Variants in PCDHA4 observed in about 807,000 individuals in gnomAD.
PCDHA4 encodes protocadherin alpha-4.
Under a neutral mutation model 61.4 loss-of-function variants are expected in PCDHA4, and 49 were observed. The ratio of observed to expected loss-of-function variants is 0.80; its 90% confidence interval spans 0.63 to 1.01. The LOEUF (loss-of-function observed/expected upper bound fraction) is 1.01. Among genes scored for constraint, PCDHA4 ranks in the 50% least tolerant of loss-of-function variants. The pLI is 0.00. For synonymous variants in PCDHA4, 590 were observed against 550.3 expected, an observed-to-expected ratio of 1.07 and a Z score of -1.01; for missense variants, 1,254 against 1,235.8, an observed-to-expected ratio of 1.01 and a Z score of -0.22.
chr5:140,838,883 C>G (rs1775930205), intron 1 of PCDHA4, among the ~76,000 whole-genome samples: 1 of 151,746 alleles, frequency 6.6e-6, no homozygotes, highest in Non-Finnish European at 1.5e-5. Flanking sequence ...CCACTGAACT[C>G]CAGCCTAGGT....
At chr5:140,877,578 C>A (rs782777600) in intron 1 of PCDHA4, 6 of 1,613,700 alleles carry the variant, frequency 3.7e-6, no homozygotes, top group East Asian at 2.2e-5. Flanking sequence ...ACCTCATCAT[C>A]GCCATCTGTG....
At chr5:140,822,918 C>T in intron 1 of PCDHA4, 1 of 1,614,272 alleles carries the variant, frequency 6.2e-7, no homozygotes, top group Non-Finnish European at 8.5e-7. Flanking sequence ...CAGGTGCCAA[C>T]GGGCAGGTGA....
At chr5:140,918,309 T>C (rs2078629927) in intron 1 of PCDHA4, among the ~76,000 whole-genome samples, 1 of 152,186 alleles carries the variant, frequency 6.6e-6, no homozygotes, top group Non-Finnish European at 1.5e-5. Context: ...TAGGGTTTTC[T>C]AGGTATAAAA....
intron 1 of PCDHA4, among the ~76,000 whole-genome samples, chr5:140,952,839 T>G (rs1270756530): frequency 6.6e-6 from 1 of 152,210 alleles, no homozygotes; most frequent in Non-Finnish European, 1.5e-5. Context: ...GCTGGCCATC[T>G]GCTTGTCTTC....
chr5:140,826,786 A>G (rs1293254665), intron 1 of PCDHA4, among the ~76,000 whole-genome samples: 1 of 152,198 alleles, frequency 6.6e-6, no homozygotes, highest in Admixed American at 6.5e-5. Flanking sequence ...AATAACCTGC[A>G]AAAAGTTGAT....
chr5:140,839,273 ACCTT>A (rs1255974388), intron 1 of PCDHA4, among the ~76,000 whole-genome samples: 6 of 152,020 alleles, frequency 3.9e-5, no homozygotes, highest in Admixed American at 3.3e-4. Flanking sequence ...TATATTTAAA[ACCTT>A]CCTAGCATAT....
At chr5:140,857,234 C>A (rs781784109) in intron 1 of PCDHA4, 1 of 1,598,590 alleles carries the variant, frequency 6.3e-7, no homozygotes, top group South Asian at 1.1e-5. Context: ...TCCGTTCAAG[C>A]TGGTGTCCAC....
chr5:140,954,209 T>C (rs2094996699), intron 1 of PCDHA4, among the ~76,000 whole-genome samples: 1 of 152,218 alleles, frequency 6.6e-6, no homozygotes, highest in Non-Finnish European at 1.5e-5. Context: ...GTTGATCCCA[T>C]GTTTTTGCTA....
At chr5:140,821,940 G>A (rs1262850471) in intron 1 of PCDHA4, 1 of 1,614,066 alleles carries the variant, frequency 6.2e-7, no homozygotes, top group African/African-American at 1.3e-5. Context: ...GGCTGGAGCT[G>A]GCGGAGCTGG....
intron 1 of PCDHA4, chr5:140,876,480 C>A (rs368324550): frequency 6.2e-7 from 1 of 1,613,992 alleles, no homozygotes; most frequent in Non-Finnish European, 8.5e-7. Context: ...ACAGCATGGT[C>A]CTGGTGGAAG....
chr5:141,008,872 A>C (rs1174901625), intron 3 of PCDHA4, among the ~76,000 whole-genome samples: 1 of 152,140 alleles, frequency 6.6e-6, no homozygotes, highest in Non-Finnish European at 1.5e-5. Context: ...GCTGCATCCC[A>C]CCACCCTTCA....
chr5:140,856,885 A>G, intron 1 of PCDHA4: 2 of 1,596,608 alleles, frequency 1.3e-6, no homozygotes, highest in Non-Finnish European at 1.7e-6. Context: ...TGATGTATTC[A>G]TTTAGCTCTT....
chr5:140,927,417 G>T (rs74597681), intron 1 of PCDHA4: 1 of 1,614,100 alleles, frequency 6.2e-7, no homozygotes, highest in Non-Finnish European at 8.5e-7. Flanking sequence ...ACATGGGATC[G>T]CGGGTTGACG....
At chr5:140,974,804 A>G (rs2096641388) in intron 1 of PCDHA4, among the ~76,000 whole-genome samples, 1 of 152,204 alleles carries the variant, frequency 6.6e-6, no homozygotes, top group Non-Finnish European at 1.5e-5. Context: ...TTGATATACT[A>G]GAAGACCAAT....
chr5:140,923,171 G>T (rs1236853762), intron 1 of PCDHA4, among the ~76,000 whole-genome samples: 1 of 152,112 alleles, frequency 6.6e-6, no homozygotes, highest in Non-Finnish European at 1.5e-5. Flanking sequence ...ATAAATTTTT[G>T]TTCAGATGCA....
rs1169646324 is a variant in PCDHA4 at position 141,011,134 on chromosome 5, ATACACAACCT to A, written c.*1199_*1208del. The A allele has an allele frequency of 6.5e-6, 1 of 153,688 alleles. No homozygotes were observed. Among genetic ancestry groups the A allele is most frequent in the East Asian group, 1.9e-4 (1 of 5,194 alleles). The allele number at this position is 153,688 out of a possible 1,614,324, so 9.5% of individuals were successfully genotyped here. ...CTAAGAAACAATTATGTGCACTTTG[ATACACAACCT>A]TCTCTAACCAACTATATATCAAGAC... On this transcript the variant is annotated 3_prime_UTR_variant, in exon 4 of 4. Transcript: ENST00000530339.
At chr5:140,849,934 G>A (rs2150458402) in intron 1 of PCDHA4, 1 of 1,598,054 alleles carries the variant, frequency 6.3e-7, no homozygotes, top group East Asian at 2.2e-5. Context: ...GTGTCTGCGC[G>A]GGACGCTGAC....
rs782160195 is a variant in PCDHA4, at chr5:140,857,078, G to C, written c.2385+47506G>C. 17 of 1,597,076 alleles carry C rather than the reference G, an allele frequency of 1.1e-5. 2 individuals are homozygous for C. The highest frequency in any genetic ancestry group is 1.5e-5 in the Non-Finnish European group (17 of 1,166,812). On this transcript the variant is annotated intron_variant, in intron 1 of 3. Transcript: ENST00000530339. ...CCTAGTGGAACTACTGGATGAAAATGATAATTCACCTGAGGTGATTGTCAC... is the reference window on the plus strand; with the variant it reads ...CCTAGTGGAACTACTGGATGAAAATCATAATTCACCTGAGGTGATTGTCAC...
chr5:140,984,945 C>CT (rs113297104), intron 3 of PCDHA4, among the ~76,000 whole-genome samples: 99 of 149,274 alleles, frequency 6.6e-4, no homozygotes, highest in Non-Finnish European at 1.1e-3. Context: ...AATGTCTAAT[C>CT]TTTTTTTTTT....
Sources: allele counts gnomAD v4.1 joint callset (sites outside exome capture counted in the v4.1 genomes callset), GRCh38; gene constraint gnomAD v4.1.1; transcripts MANE v1.5; gene names NCBI Gene and HGNC (gene_info 2026-07-23, HGNC 2026-07-21).